The following GCNT1 variants were observed in gnomAD, a reference collection of about 807,000 sequenced individuals.
GCNT1 encodes the protein glucosaminyl (N-acetyl) transferase 1.
In GCNT1, 16 loss-of-function variants were observed where a neutral mutation model predicts 26.2. That is an observed-to-expected ratio of 0.61 (90% CI 0.41 to 0.93). The LOEUF is 0.93. Ranked by LOEUF, GCNT1 falls within the 40% of genes least tolerant of loss-of-function variation. GCNT1 has a pLI of 0.00. For synonymous variants in GCNT1, 183 were observed against 190.8 expected, an observed-to-expected ratio of 0.96 and a Z score of 0.34; for missense variants, 477 against 526.7, an observed-to-expected ratio of 0.91 and a Z score of 0.92.
At chr9:76,481,918 A>G (rs979091767) in intron 2 of GCNT1, among the ~76,000 whole-genome samples, 2 of 152,212 alleles carry the variant, frequency 1.3e-5, no homozygotes, top group Non-Finnish European at 2.9e-5. Context: ...GATAACTACA[A>G]ACAGTGGGTT....
chr9:76,488,802 C>T (rs1000160736), intron 2 of GCNT1, among the ~76,000 whole-genome samples: 3 of 152,096 alleles, frequency 2.0e-5, no homozygotes, highest in African/African-American at 4.8e-5. Flanking sequence ...CGCACCTGGC[C>T]GAGTTTTTCA....
upstream of GCNT1, among the ~76,000 whole-genome samples, chr9:76,458,718 T>C (rs2131591864): frequency 6.6e-6 from 1 of 152,258 alleles, no homozygotes; most frequent in African/African-American, 2.4e-5. Flanking sequence ...TATGTGGAAA[T>C]ACACATGAAT....
At chr9:76,501,987 T>G (rs1374676994) in intron 3 of GCNT1, 1 of 152,260 alleles carries the variant, frequency 6.6e-6, no homozygotes, top group African/African-American at 2.4e-5. Context: ...ATTTGGGGTT[T>G]GTTTTTTCTT....
Position 76,502,659 on chromosome 9 carries a change from A to C in GCNT1, c.278A>C (p.Tyr93Ser). 6.2e-7 allele frequency: 1 copy of C among 1,614,194 alleles called. No homozygotes were observed. Among genetic ancestry groups the C allele is most frequent in the Non-Finnish European group, 8.5e-7 (1 of 1,180,012 alleles). ...KKRPRWTPDDYINMTSDCSSF... is the reference protein window; with the variant it reads ...KKRPRWTPDDSINMTSDCSSF... ...CGCCCTCGGTGGACACCTGACGACT[A>C]TATAAACATGACCAGTGACTGTTCT... The change falls in exon 4 of 4, where the codon TAT (tyrosine) becomes TCT (serine). Residue 93 changes from tyrosine to serine, a missense_variant. Physicochemically the swap from Tyr to Ser is moderately radical, Grantham distance 144. Transcript: ENST00000376730.
chr9:76,480,467 A>G (rs1476377169), intron 2 of GCNT1, among the ~76,000 whole-genome samples: 1 of 152,072 alleles, frequency 6.6e-6, no homozygotes, highest in Non-Finnish European at 1.5e-5. Flanking sequence ...TTTTCACGAT[A>G]TTGATTCTTT....
At chr9:76,408,371 T>A in the GCNT1 span, among the ~76,000 whole-genome samples, 1 of 152,144 alleles carries the variant, frequency 6.6e-6, no homozygotes, top group East Asian at 1.9e-4. Flanking sequence ...ATTAATATGA[T>A]CATGTTTTTT....
In GCNT1 at chr9:76,473,704, T is replaced by C. The variant is rs543533911; in HGVS notation, c.-290+13527T>C. On this transcript the variant is annotated intron_variant, in intron 2 of 3. Coordinates refer to ENST00000376730, the MANE Select transcript of GCNT1 (RefSeq NM_001490.5). ...GGCTAAGAATTTGCTGAAGTTTGGGTTGGGGAATGATGACTCCCAGGTCTC... is the reference window on the plus strand; with the variant it reads ...GGCTAAGAATTTGCTGAAGTTTGGGCTGGGGAATGATGACTCCCAGGTCTC... Among the ~76,000 whole-genome samples, 15 of 152,260 alleles carry C rather than the reference T, an allele frequency of 9.9e-5. No homozygotes were observed. The South Asian group carries it at 3.1e-3, about 32-fold the overall frequency.
chr9:76,481,165 G>A lies in GCNT1; in HGVS notation c.-289-19751G>A, dbSNP rs954931399. On this transcript the variant is annotated intron_variant, in intron 2 of 3. Coordinates refer to ENST00000376730, the MANE Select transcript of GCNT1 (RefSeq NM_001490.5). ...AGGTTGCAGTAAGCTGGGATTGTGC[G>A]ACTGCACTCCAGCCTGGGCAACAGA... Among the ~76,000 whole-genome samples the A allele has an allele frequency of 3.9e-5, 6 of 152,024 alleles. No individual in the cohort carries two copies. The East Asian group carries it at 5.8e-4, about 15-fold the overall frequency.
At chr9:76,407,624 T>TTTAGAA in the GCNT1 span, among the ~76,000 whole-genome samples, 2 of 152,208 alleles carry the variant, frequency 1.3e-5, no homozygotes, top group African/African-American at 4.8e-5. Flanking sequence ...CCATATAAAC[T>TTTAGAA]TTAGAATCAG....
At chr9:76,478,187 T>TA (rs1824304359) in intron 2 of GCNT1, among the ~76,000 whole-genome samples, 1 of 152,140 alleles carries the variant, frequency 6.6e-6, no homozygotes, top group Non-Finnish European at 1.5e-5. Context: ...TATCCTTCCA[T>TA]GTAGTGGAAA....
chr9:76,435,951 CTTT>C (rs398046579), intron 1 of GCNT1, among the ~76,000 whole-genome samples: 7,681 of 111,910 alleles, frequency 0.069, 213 homozygotes, highest in Middle Eastern at 0.13. Context: ...GTTCCCATAT[CTTT>C]TTTTTTTTTT....
rs2131577587 is a variant in GCNT1 at position 76,432,904 on chromosome 9, C to T, written n.38+13017C>T. Among the ~76,000 whole-genome samples, 2 of 152,180 alleles carry T rather than the reference C, an allele frequency of 1.3e-5. 1 individual carries two copies. Among genetic ancestry groups the T allele is most frequent in the Middle Eastern group, 6.8e-3 (2 of 292 alleles). ...AATTGTTTTTTTACAGTCGTGCTCA[C>T]CTTTGAACGGTGCCTTTGTTTTAGG... On this transcript the variant is annotated intron_variant and non_coding_transcript_variant, in intron 1 of 3. Transcript: ENST00000488136.
the GCNT1 span, among the ~76,000 whole-genome samples, chr9:76,396,921 A>G: frequency 6.6e-6 from 1 of 152,174 alleles, no homozygotes; most frequent in Non-Finnish European, 1.5e-5. Context: ...CCAGAATTTG[A>G]GGCAGCAGTG....
At chr9:76,484,722 GACC>G (rs1824519131) in intron 2 of GCNT1, among the ~76,000 whole-genome samples, 1 of 151,056 alleles carries the variant, frequency 6.6e-6, no homozygotes, top group Non-Finnish European at 1.5e-5. Flanking sequence ...CTTTTTGTTT[GACC>G]ACAACTCAAT....
intron 2 of GCNT1, among the ~76,000 whole-genome samples, chr9:76,491,183 TTCTC>T (rs112154101): frequency 0.074 from 11,252 of 152,000 alleles, 1,318 homozygotes; most frequent in African/African-American, 0.26. Context: ...CTTTGTCTCT[TTCTC>T]TCTCTGACTC....
chr9:76,406,725 G>A, the GCNT1 span, among the ~76,000 whole-genome samples: 4 of 151,420 alleles, frequency 2.6e-5, no homozygotes, highest in Non-Finnish European at 5.9e-5. Flanking sequence ...TCATCAGGTT[G>A]TTCACTTTCT....
At chr9:76,464,237 G>A (rs1344898228) in intron 2 of GCNT1, among the ~76,000 whole-genome samples, 2 of 152,046 alleles carry the variant, frequency 1.3e-5, no homozygotes, top group Non-Finnish European at 2.9e-5. Context: ...GTTTGTTGCA[G>A]ACAGGGTCTC....
chr9:76,431,467 G>A (rs1392552322), intron 1 of GCNT1, among the ~76,000 whole-genome samples: 13 of 152,300 alleles, frequency 8.5e-5, no homozygotes, highest in Non-Finnish European at 5.9e-5. Flanking sequence ...ATAGGGTGAG[G>A]TCTGGGAGAG....
intron 2 of GCNT1, among the ~76,000 whole-genome samples, chr9:76,482,192 C>A (rs1426297449): frequency 6.6e-6 from 1 of 152,086 alleles, no homozygotes; most frequent in Non-Finnish European, 1.5e-5. Context: ...CGAATTGCCT[C>A]CCAACAAAGA....
Sources: allele counts gnomAD v4.1 joint callset (sites outside exome capture counted in the v4.1 genomes callset), GRCh38; gene constraint gnomAD v4.1.1; transcripts MANE v1.5; gene names NCBI Gene and HGNC (gene_info 2026-07-23, HGNC 2026-07-21).